The following CACNG7 variants were observed in gnomAD, a reference collection of about 807,000 sequenced individuals.
CACNG7 encodes voltage-dependent calcium channel gamma-7 subunit.
A neutral mutation model predicts 26.3 loss-of-function variants in CACNG7; 9 were observed. That is an observed-to-expected ratio of 0.34 (90% CI 0.21 to 0.60). CACNG7 has a LOEUF of 0.60. Ranked by LOEUF, CACNG7 falls within the 20% of genes least tolerant of loss-of-function variation. The pLI is 0.81. For missense variants in CACNG7, 297 were observed against 380.4 expected (o/e 0.78, Z 1.82); for synonymous variants, 170 against 157.0 (o/e 1.08, Z -0.62).
chr19:53,925,127 C>T (rs80023886), intron 4 of CACNG7, among the ~76,000 whole-genome samples: 1 of 95,032 alleles, frequency 1.1e-5, no homozygotes, highest in African/African-American at 5.4e-5. Flanking sequence ...CATTGGTGGA[C>T]TTGCCTAGGG....
At chr19:53,921,934 A>G (rs575666647) in intron 4 of CACNG7, among the ~76,000 whole-genome samples, 1 of 94,392 alleles carries the variant, frequency 1.1e-5, no homozygotes, top group East Asian at 2.8e-4. Flanking sequence ...AGTTGTCCCC[A>G]GGTCTGGTCA....
At chr19:53,924,283 C>T (rs1264038078) in intron 4 of CACNG7, among the ~76,000 whole-genome samples, 5 of 148,700 alleles carry the variant, frequency 3.4e-5, no homozygotes, top group Admixed American at 2.0e-4. Context: ...GTGGACTTTC[C>T]CCAGGTCTGG....
In CACNG7 at chr19:53,909,877, G is replaced by A. The variant is rs2068852019; in HGVS notation, c.-30+360G>A. Among the ~76,000 whole-genome samples, 1 of 152,160 alleles carries A rather than the reference G, an allele frequency of 6.6e-6. No individual in the cohort carries two copies. The highest frequency in any genetic ancestry group is 1.5e-5 in the Non-Finnish European group (1 of 68,030). On this transcript the variant is annotated intron_variant, in intron 1 of 5. Transcript: ENST00000391767. This position sits in a 1 kb window ranked among gnomAD's most constrained non-coding sequence, Gnocchi z 5.1. ...TCTGGAAAGGGGTCCCAGAAAGGGG[G>A]AGTTACGGTCTCCCGAGAGATGGAG...
In CACNG7 at chr19:53,914,273, CA is replaced by C. The variant is rs376053657; in HGVS notation, c.197-213del. 1.8e-3 allele frequency among the ~76,000 whole-genome samples: 197 copies of C among 107,230 alleles called. 3 individuals carry two copies. Among genetic ancestry groups the C allele is most frequent in the Middle Eastern group, 5.1e-3 (1 of 196 alleles). The allele number at this position is 107,230 out of a possible 152,430, so 70.3% of individuals were successfully genotyped here. A position where few individuals can be genotyped will look rare whatever the true frequency, so the allele number is the denominator to read the frequency against. ...TGGGCAACAGAGTGAGACTCCATCT[CA>C]AAAAAAAAAAAAAGAAAAAAAGAAA... On this transcript the variant is annotated intron_variant, in intron 2 of 5. Coordinates refer to ENST00000391767, the MANE Select transcript of CACNG7 (RefSeq NM_031896.5).
chr19:53,915,028 A>G (rs2068886705), intron 3 of CACNG7, among the ~76,000 whole-genome samples: 2 of 146,546 alleles, frequency 1.4e-5, no homozygotes, highest in Non-Finnish European at 1.5e-5. Context: ...AAATAAAAGG[A>G]AGGAAGAAAG....
At position 53,942,733 on chromosome 19, in the gene CACNG7, C is replaced by A. The variant is rs528074145; in HGVS notation, c.*440C>A. 3.9e-4 allele frequency: 91 copies of A among 231,458 alleles called. No homozygotes were observed. The highest frequency in any genetic ancestry group is 2.1e-4 in the Non-Finnish European group (28 of 131,956). The allele number at this position is 231,458 out of a possible 1,614,324, so 14.3% of individuals were successfully genotyped here. On this transcript the variant is annotated 3_prime_UTR_variant, in exon 6 of 6. Transcript: ENST00000391767. This position sits in a 1 kb window ranked among gnomAD's most constrained non-coding sequence, Gnocchi z 5.9. Reference sequence around the variant, plus strand: ...TTCGGGCAGCCGTCGGGAATACCGACCATCCTCTTCTCCCTTCTAACCTGG... The same window carrying A: ...TTCGGGCAGCCGTCGGGAATACCGAACATCCTCTTCTCCCTTCTAACCTGG...
At chr19:53,937,119 A>G (rs2069109854) in intron 4 of CACNG7, among the ~76,000 whole-genome samples, 1 of 151,896 alleles carries the variant, frequency 6.6e-6, no homozygotes. Context: ...TGAGCTGCTG[A>G]CCTCAAGTGA....
intron 4 of CACNG7, among the ~76,000 whole-genome samples, chr19:53,930,556 G>C (rs1356933528): frequency 1.3e-5 from 2 of 152,120 alleles, no homozygotes; most frequent in African/African-American, 4.8e-5. Context: ...TGTATTTTTA[G>C]TAGAGACGGG....
At chr19:53,927,966 G>A (rs917296627) in intron 4 of CACNG7, among the ~76,000 whole-genome samples, 3 of 151,956 alleles carry the variant, frequency 2.0e-5, no homozygotes, top group Admixed American at 2.0e-4. Context: ...TTGGAATGTA[G>A]GTGACTCTTG....
intron 4 of CACNG7, among the ~76,000 whole-genome samples, chr19:53,921,505 G>C (rs2068951797): frequency 6.7e-6 from 1 of 149,214 alleles, no homozygotes; most frequent in African/African-American, 2.5e-5. Context: ...AGTTGCCCCA[G>C]GTCTGGTATT....
chr19:53,935,744 G>A lies in CACNG7; in HGVS notation c.425-5726G>A, dbSNP rs193076850. On this transcript the variant is annotated intron_variant, in intron 4 of 5. Transcript: ENST00000391767. Reference sequence around the variant, plus strand: ...AACCTTCTGCCTCCTGGGTTCAAGCGATTCTCCTGCCTCAGCCTCCCAAGT... The same window carrying A: ...AACCTTCTGCCTCCTGGGTTCAAGCAATTCTCCTGCCTCAGCCTCCCAAGT... Among the ~76,000 whole-genome samples, 432 of 135,704 alleles carry A rather than the reference G, an allele frequency of 3.2e-3. 5 individuals are homozygous for A. Among genetic ancestry groups the A allele is most frequent in the Non-Finnish European group, 3.2e-3 (211 of 65,298 alleles). 89.0% of individuals were successfully genotyped at this position (135,704 alleles called of 152,430 possible).
In CACNG7 at chr19:53,940,872, T is replaced by G. The variant is rs1266172713; in HGVS notation, c.425-598T>G. ...GAGTTTGAGACCAGCCTGGCCAACA[T>G]GGTGAAACCCCGTCTCTACTAAAAA... is the stretch of plus-strand genomic sequence containing the variant. On this transcript the variant is annotated intron_variant, in intron 4 of 5. Coordinates refer to ENST00000391767, the MANE Select transcript of CACNG7 (RefSeq NM_031896.5). The surrounding 1 kb of genome is among the most constrained non-coding windows in gnomAD (Gnocchi z 4.1). Among the ~76,000 whole-genome samples, 1 of 151,436 alleles carries G rather than the reference T, an allele frequency of 6.6e-6. No individual in the cohort carries two copies. The highest frequency in any genetic ancestry group is 1.5e-5 in the Non-Finnish European group (1 of 67,926).
intron 4 of CACNG7, among the ~76,000 whole-genome samples, chr19:53,921,024 G>GT (rs1427399065): frequency 4.0e-5 from 3 of 75,014 alleles, no homozygotes; most frequent in African/African-American, 9.9e-5. Flanking sequence ...GTTGCCCCAG[G>GT]CTGGTCATTG....
At chr19:53,919,127 C>T (rs926176646) in intron 4 of CACNG7, among the ~76,000 whole-genome samples, 1 of 152,110 alleles carries the variant, frequency 6.6e-6, no homozygotes, top group Non-Finnish European at 1.5e-5. Flanking sequence ...TTTTCCCAAC[C>T]CAGCCTCCTC....
chr19:53,912,850 C>A lies in CACNG7; in HGVS notation c.19C>A (p.Arg7Ser). Residue 7 changes from arginine to serine, a missense_variant, in exon 2 of 6, where the codon CGC becomes AGC. Transcript: ENST00000391767. The surrounding 1 kb of genome is among the most constrained non-coding windows in gnomAD (Gnocchi z 4.6). MSHCSSRALTLLSSVFG... is the reference protein window; with the variant it reads MSHCSSSALTLLSSVFG... ...TCTGAGGATGAGTCACTGCAGCAGCCGCGCCCTGACCCTGCTGAGCAGCGT... is the reference window on the plus strand; with the variant it reads ...TCTGAGGATGAGTCACTGCAGCAGCAGCGCCCTGACCCTGCTGAGCAGCGT... The A allele has an allele frequency of 1.9e-6, 3 of 1,613,028 alleles. No homozygotes were observed. The highest frequency in any genetic ancestry group is 2.5e-6 in the Non-Finnish European group (3 of 1,179,996).
chr19:53,911,016 G>C lies in CACNG7; in HGVS notation c.-30+1499G>C, dbSNP rs141508616. Among the ~76,000 whole-genome samples the C allele has an allele frequency of 2.5e-3, 377 of 150,616 alleles. 1 individual carries two copies. Among genetic ancestry groups the C allele is most frequent in the African/African-American group, 8.6e-3 (346 of 40,222 alleles). On this transcript the variant is annotated intron_variant, in intron 1 of 5. Coordinates refer to ENST00000391767, the MANE Select transcript of CACNG7 (RefSeq NM_031896.5). The stretch of plus-strand genomic sequence containing the variant: ...AGGATGAGAGACCGTTGTTTGACTG[G>C]GGTGCTCTGATGAGGATGCTGGATT...
chr19:53,916,492 T>TTC (rs2068898961), intron 4 of CACNG7, among the ~76,000 whole-genome samples: 2 of 143,038 alleles, frequency 1.4e-5, no homozygotes, highest in African/African-American at 5.5e-5. Context: ...TCTTTCTTTT[T>TTC]TTTTTTTTTT....
intron 4 of CACNG7, among the ~76,000 whole-genome samples, chr19:53,936,839 C>A (rs1178508664): frequency 6.6e-6 from 1 of 152,142 alleles, no homozygotes; most frequent in Non-Finnish European, 1.5e-5. Flanking sequence ...AAACTCCTGA[C>A]CTTAAGTGAT....
At position 53,938,125 on chromosome 19, in the gene CACNG7, C is replaced by T. The variant is rs183417136; in HGVS notation, c.425-3345C>T. On this transcript the variant is annotated intron_variant, in intron 4 of 5. Coordinates refer to ENST00000391767, the MANE Select transcript of CACNG7 (RefSeq NM_031896.5). ...ACTTTGGGAGGCCAAGGTGGAAGAA[C>T]TGCTTGAGCTCAGGAGTTCGAGACC... 7.9e-3 allele frequency among the ~76,000 whole-genome samples: 1,203 copies of T among 152,074 alleles called. 12 individuals carry two copies. Among genetic ancestry groups the T allele is most frequent in the Non-Finnish European group, 0.01 (702 of 67,982 alleles).
Sources: gnomAD v4.1 joint callset for allele counts (sites outside exome capture counted in the v4.1 genomes callset) on GRCh38, gnomAD v4.1.1 for gene constraint, Gnocchi (gnomAD v3.1) non-coding constraint, MANE v1.5 for transcripts, NCBI Gene and HGNC (gene_info 2026-07-23, HGNC 2026-07-21) for gene names.